The following GAB4 variants were observed in gnomAD, a reference collection of about 807,000 sequenced individuals.
GAB4 encodes the protein GRB2 associated binding protein family member 4.
A neutral mutation model predicts 51.3 loss-of-function variants in GAB4; 26 were observed. The observed-to-expected ratio is 0.51, with a 90% CI of 0.37 to 0.70. The LOEUF (loss-of-function observed/expected upper bound fraction) is 0.70. Among genes scored for constraint, GAB4 ranks in the 30% least tolerant of loss-of-function variants. The pLI is 0.00. For missense variants in GAB4, 759 were observed against 734.6 expected (o/e 1.03, Z -0.38); for synonymous variants, 329 against 291.2 (o/e 1.13, Z -1.32).
At chr22:16,962,960 A>C in intron 9 of GAB4, 84 bp from the exon 10 acceptor site, 12 of 1,355,838 alleles carry the variant, frequency 8.9e-6, no homozygotes, top group Non-Finnish European at 1.0e-5. Context: ...GGGCTCTCTC[A>C]AACTTTCTCA....
At chr22:16,969,030 GAAT>G in intron 4 of GAB4, among the ~76,000 whole-genome samples, 1 of 152,226 alleles carries the variant, frequency 6.6e-6, no homozygotes, top group Admixed American at 6.5e-5. Flanking sequence ...CAAGGTATAA[GAAT>G]GGATGCAAAA....
Position 16,965,241 on chromosome 22 carries a change from T to C in GAB4, c.1316A>G (p.Asn439Ser). The C allele has an allele frequency of 6.2e-7, 1 of 1,614,078 alleles. No homozygotes were observed. Among genetic ancestry groups the C allele is most frequent in the Non-Finnish European group, 8.5e-7 (1 of 1,179,968 alleles). The change falls in exon 7 of 10, where the codon AAC becomes AGC. Residue 439 changes from asparagine (N) to serine (S), a missense_variant. Transcript: ENST00000400588. ...KANPTPPNLR[N>S]NRVINELSFK... ...GGAGAGCTCATTGATGACCCTGTTG[T>C]TTCTCAGGTTGGGCGGTGTTGGGTT... is the stretch of plus-strand genomic sequence containing the variant.
chr22:16,976,870 AT>A (rs1264321907), intron 3 of GAB4, among the ~76,000 whole-genome samples: 28 of 152,336 alleles, frequency 1.8e-4, no homozygotes, highest in Admixed American at 3.3e-4. Context: ...AATATTCAAC[AT>A]TCTTAAAGAA....
rs748354526 is a variant in GAB4, at chr22:16,988,098, T to C, written c.548A>G (p.His183Arg). ...CSSPAEPSCS[H>R]QHLPQEQEPT... ...TTCTTGTTCTTGGGGGAGGTGCTGATGGGAGCAGCTGGGCTCAGCTGGAGA... is the reference window on the plus strand; with the variant it reads ...TTCTTGTTCTTGGGGGAGGTGCTGACGGGAGCAGCTGGGCTCAGCTGGAGA... The change falls in exon 3 of 10, where the codon CAT (histidine) becomes CGT (arginine). Residue 183 changes from histidine to arginine, a missense_variant. Coordinates refer to ENST00000400588, the MANE Select transcript of GAB4 (RefSeq NM_001037814.1). 1 of 1,610,416 alleles carries C rather than the reference T, an allele frequency of 6.2e-7. No homozygotes were observed. The highest frequency in any genetic ancestry group is 1.1e-5 in the South Asian group (1 of 90,396).
At chr22:16,979,049 T>C (rs1172437386) in intron 3 of GAB4, among the ~76,000 whole-genome samples, 1 of 152,180 alleles carries the variant, frequency 6.6e-6, no homozygotes, top group South Asian at 2.1e-4. Context: ...ATAAGAGCTA[T>C]TTATGACAAA....
At chr22:16,968,031 A>AC in intron 5 of GAB4, among the ~76,000 whole-genome samples, 1 of 152,110 alleles carries the variant, frequency 6.6e-6, no homozygotes, top group African/African-American at 2.4e-5. Flanking sequence ...AGCACCCAGA[A>AC]CCCCAGCATT....
chr22:16,963,690 A>C lies in GAB4; in HGVS notation c.1581+35T>G, dbSNP rs932649353. 7.2e-6 allele frequency: 11 copies of C among 1,521,942 alleles called. No homozygotes were observed. The Middle Eastern group carries it at 1.1e-3, about 150-fold the overall frequency. The allele number at this position is 1,521,942 out of a possible 1,614,324, so 94.3% of individuals were successfully genotyped here. On this transcript the variant is annotated intron_variant, in intron 9 of 9. Coordinates refer to ENST00000400588, the MANE Select transcript of GAB4 (RefSeq NM_001037814.1). ...CCCACAGTCTCTCCCCCAGGGCCCA[A>C]GGGCTCTGCCCAACCCCAGCTCCAC...
At chr22:16,981,576 GAAGA>G (rs2060827861) in intron 3 of GAB4, among the ~76,000 whole-genome samples, 1 of 152,124 alleles carries the variant, frequency 6.6e-6, no homozygotes, top group Non-Finnish European at 1.5e-5. Flanking sequence ...GTTGAATCAT[GAAGA>G]AATAGAAAAC....
chr22:16,992,987 A>C (rs1240638432), intron 1 of GAB4, among the ~76,000 whole-genome samples: 1 of 152,006 alleles, frequency 6.6e-6, no homozygotes, highest in Non-Finnish European at 1.5e-5. Context: ...CCGCCTCCCA[A>C]AGCACTGAGA....
chr22:17,007,851 C>G, intron 1 of GAB4, 90 bp downstream of exon 1: 1 of 1,268,456 alleles, frequency 7.9e-7, no homozygotes, highest in Non-Finnish European at 1.1e-6. Flanking sequence ...GCAGCTCCTC[C>G]CGTGGACCCA....
intron 1 of GAB4, among the ~76,000 whole-genome samples, chr22:17,004,320 TCATTTTATGAGGCCAG>T (rs1447982443): frequency 4.6e-5 from 7 of 152,154 alleles, no homozygotes; most frequent in Non-Finnish European, 1.0e-4. Flanking sequence ...CCTCCCTAAC[TCATTTTATGAGGCCAG>T]CATCATCCTG....
intron 3 of GAB4, among the ~76,000 whole-genome samples, chr22:16,987,493 C>T (rs1003853854): frequency 2.0e-5 from 3 of 152,166 alleles, no homozygotes; most frequent in Admixed American, 1.3e-4. Context: ...AAACTGAACT[C>T]GAAATTTAAT....
chr22:16,974,506 T>G (rs1217206067), intron 3 of GAB4, among the ~76,000 whole-genome samples: 1 of 152,192 alleles, frequency 6.6e-6, no homozygotes, highest in African/African-American at 2.4e-5. Flanking sequence ...GCAGTGCACC[T>G]GCCCTCCTGT....
chr22:16,983,904 T>A (rs2123689796), intron 3 of GAB4, among the ~76,000 whole-genome samples: 1 of 152,304 alleles, frequency 6.6e-6, no homozygotes, highest in Non-Finnish European at 1.5e-5. Flanking sequence ...CATACGTTCT[T>A]GAATAGCACC....
chr22:16,965,329 G>T, intron 6 of GAB4, 61 bp from the exon 7 acceptor site: 1 of 1,341,030 alleles, frequency 7.5e-7, no homozygotes, highest in South Asian at 1.2e-5. Flanking sequence ...TGTCCACTTT[G>T]CTACAAGGCC....
At position 16,962,324 on chromosome 22, in the gene GAB4, A is replaced by G. The variant is rs1489694700; in HGVS notation, c.*409T>C. The G allele has an allele frequency of 6.2e-6, 1 of 160,056 alleles. No individual in the cohort carries two copies. Among genetic ancestry groups the G allele is most frequent in the East Asian group, 1.8e-4 (1 of 5,506 alleles). The allele number at this position is 160,056 out of a possible 1,614,324, so 9.9% of individuals were successfully genotyped here. A position where few individuals can be genotyped will look rare whatever the true frequency, so the allele number is the denominator to read the frequency against. On this transcript the variant is annotated 3_prime_UTR_variant, in exon 10 of 10. Coordinates refer to ENST00000400588, the MANE Select transcript of GAB4 (RefSeq NM_001037814.1). ...GCCTTGCCTCTCCCCTGACCAAAAA[A>G]TGCCAGGGCTGAAAAGGTCCATGTC...
intron 1 of GAB4, among the ~76,000 whole-genome samples, chr22:17,004,242 C>G (rs2061021160): frequency 6.6e-6 from 1 of 152,110 alleles, no homozygotes; most frequent in African/African-American, 2.4e-5. Flanking sequence ...CGATTTCTAC[C>G]AGAGGTACAA....
In GAB4 at chr22:16,963,785, T is replaced by G. The variant is rs2060648889; in HGVS notation, c.1521A>C (p.Ser507=). Residue 507 remains serine, a synonymous_variant, in exon 9 of 10, where the codon TCA becomes TCC. Transcript: ENST00000400588. The part of the protein sequence containing the change: ...AFPVSGGTSS[S]APPRSTGNIH... Reference sequence around the variant, plus strand: ...TGTTACCAGTGCTCCTCGGCGGGGCTGAACTGCTGGTGCCACCGGAAACAG... The same window carrying G: ...TGTTACCAGTGCTCCTCGGCGGGGCGGAACTGCTGGTGCCACCGGAAACAG... The G allele has an allele frequency of 6.2e-7, 1 of 1,613,808 alleles. No individual in the cohort carries two copies. Among genetic ancestry groups the G allele is most frequent in the African/African-American group, 1.3e-5 (1 of 74,900 alleles).
In GAB4 at chr22:16,987,983, G is replaced by A. The variant is rs146153837; in HGVS notation, c.663C>T (p.Ala221=). 816 of 1,606,354 alleles carry A rather than the reference G, an allele frequency of 5.1e-4. 5 individuals carry two copies. The East Asian group carries it at 0.015, about 30-fold the overall frequency. ...ACCTTGCATGTTCTGCTCTCTGGCT[G>A]GCGTGCTGGTGCGAGCGGAGACACC... is the stretch of plus-strand genomic sequence containing the variant. ...PPGCLRSHQH[A]SQRAEHARSA... Residue 221 remains alanine, a synonymous_variant, in exon 3 of 10, where the codon GCC becomes GCT. Transcript: ENST00000400588.
Sources: allele counts gnomAD v4.1 joint callset (sites outside exome capture counted in the v4.1 genomes callset), GRCh38; gene constraint gnomAD v4.1.1; transcripts MANE v1.5; gene names NCBI Gene and HGNC (gene_info 2026-07-23, HGNC 2026-07-21).